ACTR3C: variants seen among roughly 807,000 people sequenced by gnomAD.
ACTR3C encodes the protein actin related protein 3C.
ACTR3C carries 18 observed loss-of-function variants against 26.3 expected under a neutral mutation model. That is an observed-to-expected ratio of 0.68 (90% CI 0.47 to 1.01). The LOEUF is 1.01. Among genes scored for constraint, ACTR3C ranks in the 50% least tolerant of loss-of-function variants. The probability of loss-of-function intolerance (pLI) is 0.00; values close to 1 mark genes in which losing one functional copy is unlikely to be tolerated. For synonymous variants in ACTR3C, 55 were observed against 94.5 expected (o/e 0.58, Z 2.42); for missense variants, 184 against 250.7 (o/e 0.73, Z 1.80).
At chr7:150,136,155 C>G in the ACTR3C span, among the ~76,000 whole-genome samples, 1 of 152,182 alleles carries the variant, frequency 6.6e-6, no homozygotes, top group African/African-American at 2.4e-5. Flanking sequence ...GCCAGGCCTC[C>G]TGGATCCCAG....
chr7:150,067,160 G>C, the ACTR3C span, among the ~76,000 whole-genome samples: 1 of 152,244 alleles, frequency 6.6e-6, no homozygotes, highest in African/African-American at 2.4e-5. Flanking sequence ...TCAATACAAA[G>C]AATGAACATT....
At chr7:149,996,107 C>G in the ACTR3C span, among the ~76,000 whole-genome samples, 19 of 152,248 alleles carry the variant, frequency 1.2e-4, no homozygotes, top group African/African-American at 4.3e-4. Flanking sequence ...TGGGACCAGA[C>G]AGAGAAAGAT....
intron 1 of ACTR3C, among the ~76,000 whole-genome samples, chr7:150,304,859 A>G (rs923095788): frequency 5.9e-5 from 9 of 151,962 alleles, no homozygotes; most frequent in Non-Finnish European, 1.0e-4. Flanking sequence ...TGAGGGTACA[A>G]GCCAGAACAA....
the ACTR3C span, among the ~76,000 whole-genome samples, chr7:150,110,942 A>G: frequency 6.7e-6 from 1 of 149,642 alleles, no homozygotes; most frequent in African/African-American, 2.5e-5. Context: ...CATTGGAGAG[A>G]GGGCCCCCTT....
At chr7:150,042,125 G>T in the ACTR3C span, among the ~76,000 whole-genome samples, 12 of 74,110 alleles carry the variant, frequency 1.6e-4, no homozygotes, top group East Asian at 6.2e-4. Context: ...CTGCGATGGG[G>T]GTCCTAAGAG....
chr7:150,220,898 C>T, the ACTR3C span, among the ~76,000 whole-genome samples: 903 of 152,402 alleles, frequency 5.9e-3, no homozygotes, highest in African/African-American at 0.021. Context: ...ACCCACCCAG[C>T]AGGGGTTAAG....
the ACTR3C span, among the ~76,000 whole-genome samples, chr7:150,049,845 A>G: frequency 5.4e-4 from 83 of 152,390 alleles, no homozygotes; most frequent in African/African-American, 1.9e-3. Context: ...CTATGAAGAA[A>G]CATGAGTTTA....
chr7:150,302,704 C>G (rs1299444814), intron 1 of ACTR3C: 1 of 152,176 alleles, frequency 6.6e-6, no homozygotes, highest in Non-Finnish European at 1.5e-5. Flanking sequence ...ACCACACTTA[C>G]AATTCTACTG....
the ACTR3C span, among the ~76,000 whole-genome samples, chr7:150,037,485 CAA>C: frequency 2.2e-5 from 1 of 45,162 alleles, no homozygotes; most frequent in Non-Finnish European, 5.0e-5. Context: ...ATGGGGGTAG[CAA>C]CAGCCGGGGG....
At chr7:149,985,250 A>C in the ACTR3C span, among the ~76,000 whole-genome samples, 1,806 of 149,404 alleles carry the variant, frequency 0.012, 41 homozygotes, top group African/African-American at 0.042. Context: ...ACACACACAC[A>C]CACACGAAAC....
chr7:149,990,775 C>G, the ACTR3C span, among the ~76,000 whole-genome samples: 1 of 152,046 alleles, frequency 6.6e-6, no homozygotes, highest in Non-Finnish European at 1.5e-5. Context: ...AGTCTGCCAC[C>G]CCTTTCTCTC....
the ACTR3C span, among the ~76,000 whole-genome samples, chr7:150,042,303 G>A: frequency 1.7e-5 from 1 of 60,554 alleles, no homozygotes; most frequent in African/African-American, 7.9e-5. Context: ...CCAGAGCCAG[G>A]GGGGGAAGAG....
the ACTR3C span, among the ~76,000 whole-genome samples, chr7:150,186,485 A>G: frequency 3.3e-5 from 5 of 152,188 alleles, no homozygotes; most frequent in Non-Finnish European, 2.9e-5. Flanking sequence ...TTGGAGGACC[A>G]GAAGGTAGAA....
At chr7:150,211,808 GC>G in the ACTR3C span, among the ~76,000 whole-genome samples, 1 of 151,500 alleles carries the variant, frequency 6.6e-6, no homozygotes, top group East Asian at 1.9e-4. Context: ...CACTGGATGA[GC>G]TTTTCTGTAT....
the ACTR3C span, among the ~76,000 whole-genome samples, chr7:150,160,139 C>G: frequency 0.027 from 4,098 of 152,098 alleles, 185 homozygotes; most frequent in African/African-American, 0.091. Flanking sequence ...ACAGAATTTT[C>G]AGTTTTCTAA....
chr7:149,938,588 T>A, the ACTR3C span, among the ~76,000 whole-genome samples: 3 of 152,080 alleles, frequency 2.0e-5, no homozygotes, highest in African/African-American at 4.8e-5. Context: ...AAAGAAATTT[T>A]AAAAATTAGA....
chr7:150,046,513 C>G, the ACTR3C span, among the ~76,000 whole-genome samples: 2 of 151,104 alleles, frequency 1.3e-5, no homozygotes, highest in East Asian at 1.9e-4. Context: ...GCCGGTGGGA[C>G]CCCTGCGGTT....
chr7:150,183,977 G>T, the ACTR3C span, among the ~76,000 whole-genome samples: 3,504 of 150,586 alleles, frequency 0.023, 357 homozygotes, highest in African/African-American at 0.084. Flanking sequence ...GCCCAAGGAA[G>T]AGGTGTCTTC....
At chr7:149,885,060 A>G in the ACTR3C span, among the ~76,000 whole-genome samples, 2 of 152,054 alleles carry the variant, frequency 1.3e-5, no homozygotes, top group African/African-American at 4.8e-5. Flanking sequence ...TTTGCATCCT[A>G]TGATGCTTAG....
Sources: allele counts gnomAD v4.1 joint callset (sites outside exome capture counted in the v4.1 genomes callset), GRCh38; gene constraint gnomAD v4.1.1; transcripts MANE v1.5; gene names NCBI Gene and HGNC (gene_info 2026-07-23, HGNC 2026-07-21).